FRY: variants seen among roughly 807,000 people sequenced by gnomAD.
FRY encodes the protein FRY microtubule binding protein.
In FRY, 128 loss-of-function variants were observed where a neutral mutation model predicts 348.4. The ratio of observed to expected loss-of-function variants is 0.37; its 90% CI spans 0.32 to 0.43. FRY has a LOEUF of 0.43. Ranked by LOEUF, FRY falls within the 20% of genes least tolerant of loss-of-function variation. FRY has a pLI of 1.00. For missense variants in FRY, 2,736 were observed against 3,695.2 expected, an observed-to-expected ratio of 0.74 and a Z score of 6.73; for synonymous variants, 1,370 against 1,374.7, an observed-to-expected ratio of 1.00 and a Z score of 0.08.
intron 2 of FRY, among the ~76,000 whole-genome samples, chr13:32,082,063 T>C (rs733258): frequency 0.14 from 20,630 of 152,116 alleles, 1,681 homozygotes; most frequent in Middle Eastern, 0.23. Context: ...GATTTACTAT[T>C]TGGGGGACTA....
At chr13:32,148,545 C>T (rs889228320) in intron 13 of FRY, among the ~76,000 whole-genome samples, 1 of 152,190 alleles carries the variant, frequency 6.6e-6, no homozygotes, top group Admixed American at 6.5e-5. Flanking sequence ...TTTCAAAACA[C>T]TTTGTGAGTA....
At chr13:32,162,066 G>T (rs1881473115) in intron 17 of FRY, among the ~76,000 whole-genome samples, 1 of 152,138 alleles carries the variant, frequency 6.6e-6, no homozygotes, top group Non-Finnish European at 1.5e-5. Context: ...AGGGAAAAAA[G>T]AGAAAATAGT....
intron 34 of FRY, among the ~76,000 whole-genome samples, chr13:32,211,565 T>G (rs949802084): frequency 1.3e-5 from 2 of 152,204 alleles, no homozygotes; most frequent in African/African-American, 4.8e-5. Flanking sequence ...CACAGAACTT[T>G]GTATTTCAGC....
intron 34 of FRY, among the ~76,000 whole-genome samples, chr13:32,211,682 C>A (rs926133503): frequency 2.0e-5 from 3 of 152,024 alleles, no homozygotes; most frequent in African/African-American, 2.4e-5. Context: ...GATTAAAATT[C>A]CCCCCAAAAG....
chr13:32,062,321 G>C (rs139775775), intron 1 of FRY, among the ~76,000 whole-genome samples: 130 of 152,124 alleles, frequency 8.5e-4, no homozygotes, highest in African/African-American at 3.1e-3. Context: ...CATCCCTTGA[G>C]GATGTTACTG....
rs765244107 is a variant in FRY at position 32,173,417 on chromosome 13, C to T, written c.2202C>T (p.His734=). 2.7e-5 allele frequency: 44 copies of T among 1,612,520 alleles called. No homozygotes were observed. The highest frequency in any genetic ancestry group is 3.6e-5 in the Non-Finnish European group (42 of 1,179,836). ...SHRIQSERGP[H]CSVLHAVEGF... is the part of the protein sequence containing the mutation. ...GAATTCAGTCGGAACGAGGTCCCCA[C>T]TGCAGTGTACTCCACGCTGTAGAAG... Residue 734 remains histidine (H), a synonymous_variant, in exon 19 of 61, where the codon CAC becomes CAT. Transcript: ENST00000542859.
intron 2 of FRY, among the ~76,000 whole-genome samples, chr13:32,092,102 G>A (rs1409999216): frequency 6.6e-6 from 1 of 152,150 alleles, no homozygotes; most frequent in Non-Finnish European, 1.5e-5. Flanking sequence ...GTATATCCAT[G>A]TAACAAAACT....
intron 2 of FRY, among the ~76,000 whole-genome samples, chr13:32,084,955 T>C (rs997260446): frequency 6.6e-5 from 10 of 152,158 alleles, no homozygotes; most frequent in African/African-American, 2.4e-4. Flanking sequence ...TTGCGTATCA[T>C]GGACAGTACA....
intron 3 of FRY, among the ~76,000 whole-genome samples, chr13:32,109,475 G>A (rs1236511847): frequency 1.3e-5 from 2 of 152,296 alleles, no homozygotes; most frequent in Non-Finnish European, 2.9e-5. Flanking sequence ...GCTACAAGAA[G>A]CAACCAAGGA....
intron 2 of FRY, among the ~76,000 whole-genome samples, chr13:32,100,500 T>A (rs1212458240): frequency 6.6e-6 from 1 of 151,194 alleles, no homozygotes; most frequent in Non-Finnish European, 1.5e-5. Flanking sequence ...AGATTCTTTT[T>A]ATAAAATTGG....
chr13:32,145,539 T>TGG (rs67436878), intron 11 of FRY, among the ~76,000 whole-genome samples: 5 of 137,260 alleles, frequency 3.6e-5, no homozygotes, highest in East Asian at 4.4e-4. Flanking sequence ...TTTTTTTTTT[T>TGG]TTTTTTTTTT....
chr13:32,286,009 A>G (rs1192793418), intron 58 of FRY, among the ~76,000 whole-genome samples: 1 of 152,224 alleles, frequency 6.6e-6, no homozygotes, highest in African/African-American at 2.4e-5. Context: ...CCAGGGTCCC[A>G]AAAACTACTT....
At chr13:32,117,153 C>T (rs538078496) in intron 3 of FRY, among the ~76,000 whole-genome samples, 181 bp from the exon 4 acceptor site, 2 of 152,200 alleles carry the variant, frequency 1.3e-5, no homozygotes, top group African/African-American at 4.8e-5. Context: ...ATATGGGGAA[C>T]ATTTGTCACC....
chr13:32,286,662 G>A (rs1249556307), intron 58 of FRY, among the ~76,000 whole-genome samples: 1 of 146,640 alleles, frequency 6.8e-6, no homozygotes. Flanking sequence ...CAAGAGAATG[G>A]TGTGAACCCG....
chr13:32,157,318 T>A lies in FRY; in HGVS notation c.1697T>A (p.Ile566Asn). ...CAAGTACGAAAAGCTGTAGACAACATTTTAAGGCACCTTGATAAAGAAGTA... is the reference window on the plus strand; with the variant it reads ...CAAGTACGAAAAGCTGTAGACAACAATTTAAGGCACCTTGATAAAGAAGTA... ...YSQVRKAVDN[I>N]LRHLDKEVGR... Residue 566 changes from isoleucine to asparagine, a missense_variant, in exon 16 of 61, where the codon ATT becomes AAT. Coordinates refer to ENST00000542859, the MANE Select transcript of FRY (RefSeq NM_023037.3). 2 of 1,612,866 alleles carry A rather than the reference T, an allele frequency of 1.2e-6. No individual in the cohort carries two copies. Among genetic ancestry groups the A allele is most frequent in the Non-Finnish European group, 1.7e-6 (2 of 1,178,986 alleles).
At chr13:32,137,867 G>C (rs1566091374) in intron 11 of FRY, among the ~76,000 whole-genome samples, 1 of 152,024 alleles carries the variant, frequency 6.6e-6, no homozygotes. Flanking sequence ...TGGTGAAGTA[G>C]TTAAGATTAA....
chr13:32,253,838 T>C (rs1364219300), intron 50 of FRY, among the ~76,000 whole-genome samples: 1 of 152,186 alleles, frequency 6.6e-6, no homozygotes, highest in Non-Finnish European at 1.5e-5. Context: ...AAAATATTAT[T>C]TATGTGTATT....
At chr13:32,155,701 G>T (rs771724993) in intron 15 of FRY, 39 bp downstream of exon 15, 42 of 1,474,900 alleles carry the variant, frequency 2.8e-5, no homozygotes, top group Non-Finnish European at 3.8e-5. Flanking sequence ...GCCTTATTAA[G>T]CCCTTAAAAT....
intron 18 of FRY, among the ~76,000 whole-genome samples, chr13:32,171,802 A>G (rs759873577): frequency 7.5e-6 from 1 of 132,518 alleles, no homozygotes; most frequent in Non-Finnish European, 1.7e-5. Flanking sequence ...TCACAAGGCT[A>G]TTTAGGGAAT....
Sources: allele counts gnomAD v4.1 joint callset (sites outside exome capture counted in the v4.1 genomes callset), GRCh38; gene constraint gnomAD v4.1.1; transcripts MANE v1.5; gene names NCBI Gene and HGNC (gene_info 2026-07-23, HGNC 2026-07-21).